The following ANKS1B variants were observed in gnomAD, a reference collection of about 807,000 sequenced individuals.
ANKS1B encodes ankyrin repeat and sterile alpha motif domain containing 1B.
In ANKS1B, 36 loss-of-function variants were observed where a neutral mutation model predicts 148.3. The ratio of observed to expected loss-of-function variants is 0.24; its 90% CI spans 0.19 to 0.32. The LOEUF is 0.32. ANKS1B is among the 10% of genes least tolerant of loss of function. The probability of loss-of-function intolerance (pLI) is 1.00; values close to 1 mark genes in which losing one functional copy is unlikely to be tolerated. For missense variants in ANKS1B, 1,157 were observed against 1,542.6 expected (o/e 0.75, Z 4.19); for synonymous variants, 542 against 560.8 (o/e 0.97, Z 0.47).
rs970179402 is a variant in ANKS1B, at chr12:99,336,626, G to A, written c.1756+63005C>T. On this transcript the variant is annotated intron_variant, in intron 12 of 26. Coordinates refer to ENST00000683438, the MANE Select transcript of ANKS1B (RefSeq NM_001352186.2). ...CACCATCATTTATTGAAGAGGCTGT[G>A]TTTTCCCAAATCTACGTTCTTAGCA... Among the ~76,000 whole-genome samples the A allele has an allele frequency of 1.4e-4, 21 of 151,942 alleles. 1 individual carries two copies. The highest frequency in any genetic ancestry group is 3.3e-4 in the Admixed American group (5 of 15,236).
intron 9 of ANKS1B, among the ~76,000 whole-genome samples, chr12:99,594,925 A>G (rs1159776974): frequency 6.6e-6 from 1 of 152,034 alleles, no homozygotes; most frequent in African/African-American, 2.4e-5. Flanking sequence ...CTAAAACTAC[A>G]GAGTAAATAA....
intron 10 of ANKS1B, among the ~76,000 whole-genome samples, chr12:99,463,867 C>T (rs2096041749): frequency 6.6e-6 from 1 of 150,586 alleles, no homozygotes; most frequent in South Asian, 2.1e-4. Context: ...GGGCAGGGCA[C>T]AGACGACAAA....
chr12:99,289,356 A>G, intron 12 of ANKS1B, among the ~76,000 whole-genome samples: 1 of 152,058 alleles, frequency 6.6e-6, no homozygotes, highest in East Asian at 1.9e-4. Context: ...CATTGGACAG[A>G]TCATCCAGAC....
intron 19 of ANKS1B, among the ~76,000 whole-genome samples, chr12:98,825,146 C>T (rs888139674): frequency 1.3e-5 from 2 of 152,114 alleles, no homozygotes; most frequent in Non-Finnish European, 2.9e-5. Flanking sequence ...CAGATGTGCA[C>T]ATAGGCTCTT....
At chr12:99,260,148 C>T (rs2075768820) in intron 12 of ANKS1B, among the ~76,000 whole-genome samples, 1 of 151,972 alleles carries the variant, frequency 6.6e-6, no homozygotes, top group East Asian at 1.9e-4. Context: ...TTAATAACTT[C>T]CCATTTATAT....
At chr12:99,766,731 G>T (rs1486826234) in intron 8 of ANKS1B, among the ~76,000 whole-genome samples, 1 of 152,080 alleles carries the variant, frequency 6.6e-6, no homozygotes, top group Non-Finnish European at 1.5e-5. Flanking sequence ...CACTGCTTAA[G>T]ATTTAGCACC....
At chr12:99,739,731 C>CT in intron 8 of ANKS1B, among the ~76,000 whole-genome samples, 1 of 152,232 alleles carries the variant, frequency 6.6e-6, no homozygotes, top group Non-Finnish European at 1.5e-5. Flanking sequence ...GCTGCCACTT[C>CT]TTTTTTCTCC....
chr12:99,529,126 C>T (rs1398087), intron 9 of ANKS1B, among the ~76,000 whole-genome samples: 29,833 of 151,990 alleles, frequency 0.2, 3,202 homozygotes, highest in South Asian at 0.28. Flanking sequence ...ATGAATCATA[C>T]AAATGCAACT....
At chr12:99,552,466 T>C (rs1221078157) in intron 9 of ANKS1B, among the ~76,000 whole-genome samples, 2 of 152,228 alleles carry the variant, frequency 1.3e-5, no homozygotes, top group Non-Finnish European at 2.9e-5. Context: ...TCCCACTGTC[T>C]AGCACAGTGT....
chr12:99,614,229 G>A (rs2153353220), intron 9 of ANKS1B, among the ~76,000 whole-genome samples: 1 of 152,108 alleles, frequency 6.6e-6, no homozygotes, highest in African/African-American at 2.4e-5. Flanking sequence ...GAGGCTGAGA[G>A]TTCGAGACCA....
intron 10 of ANKS1B, among the ~76,000 whole-genome samples, chr12:99,453,179 A>C (rs1366673947): frequency 1.3e-4 from 19 of 151,836 alleles, no homozygotes; most frequent in Non-Finnish European, 5.9e-5. Flanking sequence ...AGTCCCAGCT[A>C]CTCCGGAGGC....
intron 1 of ANKS1B, among the ~76,000 whole-genome samples, chr12:99,870,539 C>A (rs1158211454): frequency 6.6e-6 from 1 of 152,144 alleles, no homozygotes; most frequent in African/African-American, 2.4e-5. Flanking sequence ...AATTTACATT[C>A]CTACCAACAG....
intron 17 of ANKS1B, among the ~76,000 whole-genome samples, chr12:99,007,476 T>C (rs184585562): frequency 3.9e-5 from 6 of 152,302 alleles, no homozygotes; most frequent in African/African-American, 1.4e-4. Flanking sequence ...TTATCTCTAG[T>C]CACTGCTTCC....
In ANKS1B at chr12:99,113,942, A is replaced by T. The variant is rs529317881; in HGVS notation, c.2527-28919T>A. Among the ~76,000 whole-genome samples the T allele has an allele frequency of 2.6e-5, 4 of 152,230 alleles. No individual in the cohort carries two copies. The East Asian group carries it at 7.7e-4, about 29-fold the overall frequency. ...GTTATACCTATAGTCATTCCTTTCC[A>T]TATACTCTAGGTTTTAGCTTCCCCT... On this transcript the variant is annotated intron_variant, in intron 15 of 26. Coordinates refer to ENST00000683438, the MANE Select transcript of ANKS1B (RefSeq NM_001352186.2).
intron 11 of ANKS1B, among the ~76,000 whole-genome samples, chr12:99,411,506 A>G (rs73151175): frequency 0.1 from 15,741 of 152,260 alleles, 841 homozygotes; most frequent in Non-Finnish European, 0.13. Flanking sequence ...TAGCACCGCA[A>G]TAAACATATG....
intron 2 of ANKS1B, among the ~76,000 whole-genome samples, chr12:99,816,044 T>G (rs2069086811): frequency 6.6e-6 from 1 of 151,864 alleles, no homozygotes; most frequent in South Asian, 2.1e-4. Context: ...CTTTTAGTTC[T>G]TTAAGGAATC....
intron 1 of ANKS1B, among the ~76,000 whole-genome samples, chr12:99,866,626 G>T (rs142990562): frequency 0.013 from 2,011 of 152,118 alleles, 54 homozygotes; most frequent in African/African-American, 0.046. Flanking sequence ...CAATGCCATT[G>T]CCTTTATTCT....
intron 17 of ANKS1B, among the ~76,000 whole-genome samples, chr12:98,919,905 C>G (rs141556479): frequency 4.1e-4 from 62 of 152,252 alleles, no homozygotes; most frequent in African/African-American, 1.4e-3. Context: ...TGACTACACT[C>G]GAGACTTTCC....
intron 15 of ANKS1B, among the ~76,000 whole-genome samples, chr12:99,131,168 C>A (rs1425431281): frequency 2.0e-5 from 3 of 152,172 alleles, no homozygotes; most frequent in Admixed American, 2.0e-4. Flanking sequence ...TCCACCTGCT[C>A]TCCCAACATC....
Sources: allele counts gnomAD v4.1 joint callset (sites outside exome capture counted in the v4.1 genomes callset), GRCh38; gene constraint gnomAD v4.1.1; transcripts MANE v1.5; gene names NCBI Gene and HGNC (gene_info 2026-07-23, HGNC 2026-07-21).